The following CCL14 variants were observed in gnomAD, a reference collection of about 807,000 sequenced individuals.
The protein encoded by CCL14 is C-C motif chemokine ligand 14.
A neutral mutation model predicts 8.2 loss-of-function variants in CCL14; 8 were observed. That is an observed-to-expected ratio of 0.98 (90% CI 0.57 to 1.76). The LOEUF (loss-of-function observed/expected upper bound fraction) is 1.76, where lower values mean the gene tolerates loss of function less well. CCL14 is among the 40% of genes most tolerant of loss of function. The probability of loss-of-function intolerance (pLI) is 0.00; values close to 1 mark genes in which losing one functional copy is unlikely to be tolerated. For missense variants in CCL14, 127 were observed against 118.3 expected, an observed-to-expected ratio of 1.07 and a Z score of -0.34; for synonymous variants, 50 against 43.2, an observed-to-expected ratio of 1.16 and a Z score of -0.62.
chr17:35,983,788 C>G lies in CCL14; in HGVS notation c.*13G>C. 6.3e-7 allele frequency: 1 copy of G among 1,595,320 alleles called. No individual in the cohort carries two copies. Among genetic ancestry groups the G allele is most frequent in the African/African-American group, 1.3e-5 (1 of 74,630 alleles). ...GTCTCTGAGCTGTGCCTTCGCCACC[C>G]CTTCTGGGTCACTCAGTTCTCCTTC... On this transcript the variant is annotated 3_prime_UTR_variant, in exon 3 of 3. Transcript: ENST00000618404.
In CCL14 at chr17:35,984,349, C is replaced by T; in HGVS notation, c.183G>A (p.Lys61=). The T allele has an allele frequency of 6.2e-7, 1 of 1,612,412 alleles. No individual in the cohort carries two copies. Among genetic ancestry groups the T allele is most frequent in the African/African-American group, 1.3e-5 (1 of 74,992 alleles). The change falls in exon 2 of 3, where the codon AAG becomes AAA. Residue 61 remains lysine (K), a synonymous_variant. Coordinates refer to ENST00000618404, the MANE Select transcript of CCL14 (RefSeq NM_032963.4). ...DYYETNSQCS[K]PGIVFITKRG... ...TGTGTACCACCTACACAATTCCGGG[C>T]TTGGAGCACTGGCTGTTGGTCTCAT...
chr17:35,984,355 G>A lies in CCL14; in HGVS notation c.177C>T (p.Cys59=). Residue 59 remains cysteine (C), a synonymous_variant, in exon 2 of 3, where the codon TGC becomes TGT. Coordinates refer to ENST00000618404, the MANE Select transcript of CCL14 (RefSeq NM_032963.4). ...IMDYYETNSQ[C]SKPGIVFITK... ...CCACCTACACAATTCCGGGCTTGGAGCACTGGCTGTTGGTCTCATAGTAAT... is the reference window on the plus strand; with the variant it reads ...CCACCTACACAATTCCGGGCTTGGAACACTGGCTGTTGGTCTCATAGTAAT... 3 of 1,612,984 alleles carry A rather than the reference G, an allele frequency of 1.9e-6. No individual in the cohort carries two copies. Among genetic ancestry groups the A allele is most frequent in the Non-Finnish European group, 2.5e-6 (3 of 1,179,102 alleles).
chr17:35,985,710 A>C, intron 1 of CCL14: 1 of 1,533,038 alleles, frequency 6.5e-7, no homozygotes, highest in Non-Finnish European at 8.8e-7. Context: ...TGAGCTGACA[A>C]ATGACATCGG....
intron 1 of CCL14, 67 bp from the exon 2 acceptor site, chr17:35,984,519 G>A: frequency 1.0e-6 from 1 of 975,482 alleles, no homozygotes. Flanking sequence ...GGCTGCTCCT[G>A]CAAGCTGAGG....
rs144024677 is a variant in CCL14, at chr17:35,984,390, G to A, written c.142C>T (p.Arg48Trp). 165 of 1,613,742 alleles carry A rather than the reference G, an allele frequency of 1.0e-4. No homozygotes were observed. In the African/African-American group the frequency reaches 1.3e-3, roughly 12 times the overall value. The change falls in exon 2 of 3, where the codon CGG (arginine) becomes TGG (tryptophan). Residue 48 changes from arginine to tryptophan, a missense_variant. Arg to Trp is a moderately radical substitution (Grantham distance 101). Coordinates refer to ENST00000618404, the MANE Select transcript of CCL14 (RefSeq NM_032963.4). ...TTGGTCTCATAGTAATCCATAATCC[G>A]CTGACGCGGGATCTTGTAGGTAGTG... is the stretch of plus-strand genomic sequence containing the variant. ...TYTTYKIPRQRIMDYYETNSQ... is the reference protein window; with the variant it reads ...TYTTYKIPRQWIMDYYETNSQ...
intron 1 of CCL14, 141 bp from the exon 2 acceptor site, chr17:35,984,593 C>T (rs760762528): frequency 3.2e-6 from 2 of 634,378 alleles, no homozygotes; most frequent in African/African-American, 1.8e-5. Context: ...GTAGGCTTTC[C>T]TCATCTTCTC....
rs762190316 is a variant in CCL14 at position 35,984,438 on chromosome 17, G to T, written c.94C>A (p.Pro32Thr). 1.9e-6 allele frequency: 3 copies of T among 1,612,060 alleles called. No individual in the cohort carries two copies. Among genetic ancestry groups the T allele is most frequent in the Admixed American group, 1.7e-5 (1 of 59,982 alleles). Residue 32 changes from proline (P) to threonine (T), a missense_variant, in exon 2 of 3, where the codon CCC becomes ACC. By Grantham distance (38) the Pro-to-Thr change is conservative. Transcript: ENST00000618404. The stretch of plus-strand genomic sequence containing the variant: ...GTGTAGGTGAAGCAGCACTCTGAGG[G>T]GTGGTAAGGTCCCCCTGAGGAGAGA... ...TESSSRGPYH[P>T]SECCFTYTTY...
At chr17:35,985,672 G>C in intron 1 of CCL14, 1 of 1,294,872 alleles carries the variant, frequency 7.7e-7, no homozygotes, top group South Asian at 1.3e-5. Context: ...CCCAGTCAGA[G>C]CTCCTATACT....
intron 1 of CCL14, chr17:35,986,171 G>T (rs897250947): frequency 5.6e-6 from 2 of 358,538 alleles, no homozygotes; most frequent in Non-Finnish European, 1.0e-5. Flanking sequence ...AGGGGGGACT[G>T]GTCCTGGGGG....
At chr17:35,985,517 C>A in intron 1 of CCL14, 1 of 567,788 alleles carries the variant, frequency 1.8e-6, no homozygotes, top group Non-Finnish European at 3.1e-6. Flanking sequence ...TTCATAGAAT[C>A]ATGGATGTGC....
At chr17:35,985,704 CT>C in intron 1 of CCL14, 1 of 1,516,348 alleles carries the variant, frequency 6.6e-7, no homozygotes, top group Non-Finnish European at 9.0e-7. Flanking sequence ...TTCCTCTGAG[CT>C]GACAAATGAC....
In CCL14 at chr17:35,984,363, T is replaced by C. The variant is rs368511619; in HGVS notation, c.169A>G (p.Ser57Gly). ...QRIMDYYETN[S>G]QCSKPGIVFI... Reference sequence around the variant, plus strand: ...ACAATTCCGGGCTTGGAGCACTGGCTGTTGGTCTCATAGTAATCCATAATC... The same window carrying C: ...ACAATTCCGGGCTTGGAGCACTGGCCGTTGGTCTCATAGTAATCCATAATC... Residue 57 changes from serine (S) to glycine (G), a missense_variant, in exon 2 of 3, where the codon AGC (serine) becomes GGC (glycine). Physicochemically the swap from Ser to Gly is moderately conservative, Grantham distance 56. Coordinates refer to ENST00000618404, the MANE Select transcript of CCL14 (RefSeq NM_032963.4). 2 of 1,613,624 alleles carry C rather than the reference T, an allele frequency of 1.2e-6. No individual in the cohort carries two copies. Among genetic ancestry groups the C allele is most frequent in the Admixed American group, 1.7e-5 (1 of 60,006 alleles).
rs2089707783 is a variant in CCL14 at position 35,983,656 on chromosome 17, G to A, written c.*145C>T. The A allele has an allele frequency of 1.5e-6, 1 of 659,670 alleles. No homozygotes were observed. The highest frequency in any genetic ancestry group is 2.8e-6 in the Non-Finnish European group (1 of 362,160). The allele number at this position is 659,670 out of a possible 1,614,324, so 40.9% of individuals were successfully genotyped here. A position where few individuals can be genotyped will look rare whatever the true frequency, so the allele number is the denominator to read the frequency against. Reference sequence around the variant, plus strand: ...TCCCGTAGAAAGGAATGAGGCCAGGGAAGAGCATGAGTGGTCTTTAATTCA... The same window carrying A: ...TCCCGTAGAAAGGAATGAGGCCAGGAAAGAGCATGAGTGGTCTTTAATTCA... On this transcript the variant is annotated 3_prime_UTR_variant, in exon 3 of 3. Transcript: ENST00000618404.
In CCL14 at chr17:35,984,351, T is replaced by TGGAG; in HGVS notation, c.177_180dup (p.Lys61LeufsTer21). On this transcript the variant is annotated frameshift_variant, in exon 2 of 3. Coordinates refer to ENST00000618404, the MANE Select transcript of CCL14 (RefSeq NM_032963.4). LOFTEE classifies it low-confidence loss of function (END_TRUNC). The stretch of plus-strand genomic sequence containing the variant: ...TGTACCACCTACACAATTCCGGGCT[T>TGGAG]GGAGCACTGGCTGTTGGTCTCATAG... 6.2e-7 allele frequency: 1 copy of TGGAG among 1,612,638 alleles called. No homozygotes were observed. The highest frequency in any genetic ancestry group is 8.5e-7 in the Non-Finnish European group (1 of 1,178,844).
Position 35,983,526 on chromosome 17 carries a change from C to A in CCL14, c.*275G>T. On this transcript the variant is annotated 3_prime_UTR_variant, in exon 3 of 3. Coordinates refer to ENST00000618404, the MANE Select transcript of CCL14 (RefSeq NM_032963.4). ...TGCTTCTCACTACCTGCATTGCAGG[C>A]CTGACCTATTTTTTGTACCAGGCTC... 2.2e-6 allele frequency: 1 copy of A among 445,026 alleles called. No homozygotes were observed. The highest frequency in any genetic ancestry group is 4.0e-6 in the Non-Finnish European group (1 of 248,932). The allele number at this position is 445,026 out of a possible 1,614,324, so 27.6% of individuals were successfully genotyped here. A position where few individuals can be genotyped will look rare whatever the true frequency, so the allele number is the denominator to read the frequency against.
At position 35,986,559 on chromosome 17, in the gene CCL14, C is replaced by A. The variant is rs749928155; in HGVS notation, c.79+12G>T. 3.7e-6 allele frequency: 6 copies of A among 1,607,214 alleles called. No homozygotes were observed. The highest frequency in any genetic ancestry group is 5.1e-6 in the Non-Finnish European group (6 of 1,173,900). The stretch of plus-strand genomic sequence containing the variant: ...GCTCTAGGTTGGAAGGAAGACAAGG[C>A]ATTGCACTCACGTGAGGAGGATTCA... On this transcript the variant is annotated intron_variant, in intron 1 of 2. Transcript: ENST00000618404.
chr17:35,985,861 A>G, intron 1 of CCL14: 1 of 1,312,594 alleles, frequency 7.6e-7, no homozygotes. Context: ...AAGGCAGCTT[A>G]TTCTAAGAAA....
chr17:35,983,861 G>C lies in CCL14; in HGVS notation c.222C>G (p.Val74=). The change falls in exon 3 of 3, where the codon GTC becomes GTG. Residue 74 remains valine, a synonymous_variant. Transcript: ENST00000618404. ...CCCACTTGTCACTGGGGTTGGTACA[G>C]ACGGAATGGCCCCTTTTGGTGATGA... ...IVFITKRGHS[V]CTNPSDKWVQ... is the part of the protein sequence containing the mutation. 1 of 1,614,084 alleles carries C rather than the reference G, an allele frequency of 6.2e-7. No individual in the cohort carries two copies. The highest frequency in any genetic ancestry group is 8.5e-7 in the Non-Finnish European group (1 of 1,179,922).
In CCL14 at chr17:35,984,458, G is replaced by A. The variant is rs1158488105; in HGVS notation, c.80-6C>T. On this transcript the variant is annotated splice_polypyrimidine_tract_variant and splice_region_variant and intron_variant, in intron 1 of 2. Coordinates refer to ENST00000618404, the MANE Select transcript of CCL14 (RefSeq NM_032963.4). Reference sequence around the variant, plus strand: ...TGAGGGGTGGTAAGGTCCCCCTGAGGAGAGAGCATCAGATGCTGAGGAGGG... The same window carrying A: ...TGAGGGGTGGTAAGGTCCCCCTGAGAAGAGAGCATCAGATGCTGAGGAGGG... 2 of 1,600,612 alleles carry A rather than the reference G, an allele frequency of 1.2e-6. No homozygotes were observed. The highest frequency in any genetic ancestry group is 1.9e-4 in the Middle Eastern group (1 of 5,278).
Sources: gnomAD v4.1 joint callset for allele counts on GRCh38, gnomAD v4.1.1 for gene constraint, MANE v1.5 for transcripts, NCBI Gene and HGNC (gene_info 2026-07-23, HGNC 2026-07-21) for gene names.